The following MYO15B variants were observed in gnomAD, a reference collection of about 807,000 sequenced individuals.
MYO15B encodes the protein myosin XVB pseudogene.
Under a neutral mutation model 119.3 loss-of-function variants are expected in MYO15B, and 207 were observed. The observed-to-expected ratio is 1.73, with a 90% CI of 1.55 to 1.95. The LOEUF (loss-of-function observed/expected upper bound fraction) is 1.95. Among genes scored for constraint, MYO15B ranks in the 30% most tolerant of loss-of-function variants. The probability of loss-of-function intolerance (pLI) is 0.00; values close to 1 mark genes in which losing one functional copy is unlikely to be tolerated. For missense variants in MYO15B, 2,264 were observed against 1,203.1 expected, an observed-to-expected ratio of 1.88 and a Z score of -13.04; for synonymous variants, 966 against 498.9, an observed-to-expected ratio of 1.94 and a Z score of -12.48.
rs1359298025 is a variant in MYO15B, at chr17:75,620,455, G to A, written c.7556-12G>A. ...GTCCAGTGGGTGAGCCACATCCCTG[G>A]GTGCCTTCCAGGCTGGCAGTTTGGC... On this transcript the variant is annotated splice_polypyrimidine_tract_variant and intron_variant, in intron 48 of 63. Coordinates refer to ENST00000645453, the Ensembl canonical transcript of MYO15B. 2 of 702,386 alleles carry A rather than the reference G, an allele frequency of 2.8e-6. No individual in the cohort carries two copies. Among genetic ancestry groups the A allele is most frequent in the Non-Finnish European group, 5.2e-6 (2 of 384,778 alleles). The allele number at this position is 702,386 out of a possible 1,614,324, so 43.5% of individuals were successfully genotyped here.
chr17:75,592,871 G>T lies in MYO15B; in HGVS notation c.2991+31G>T, dbSNP rs1290056091. 1.0e-5 allele frequency: 7 copies of T among 694,722 alleles called. No homozygotes were observed. In the East Asian group the frequency reaches 1.9e-4, roughly 19 times the overall value. 43.0% of individuals were successfully genotyped at this position (694,722 alleles called of 1,614,324 possible). The stretch of plus-strand genomic sequence containing the variant: ...CTTCCCCGTGGGCAGGGGCCATCTG[G>T]GGTGCTGGGTCTGTAGAATCAGGGC... On this transcript the variant is annotated intron_variant, in intron 9 of 63. Coordinates refer to ENST00000645453, the Ensembl canonical transcript of MYO15B.
rs1156351194 is a variant in MYO15B at position 75,617,077 on chromosome 17, C to A, written c.6595-8C>A. 1 of 682,810 alleles carries A rather than the reference C, an allele frequency of 1.5e-6. No individual in the cohort carries two copies. Among genetic ancestry groups the A allele is most frequent in the Admixed American group, 2.1e-5 (1 of 48,610 alleles). The allele number at this position is 682,810 out of a possible 1,614,324, so 42.3% of individuals were successfully genotyped here. Reference sequence around the variant, plus strand: ...CTCAGCCCGTGTACTTTCTCCGTATCCCCCCAGATGCTGTCCCCCAGCCCA... The same window carrying A: ...CTCAGCCCGTGTACTTTCTCCGTATACCCCCAGATGCTGTCCCCCAGCCCA... On this transcript the variant is annotated splice_polypyrimidine_tract_variant and splice_region_variant and intron_variant, in intron 40 of 63. Transcript: ENST00000645453.
intron 21 of MYO15B, among the ~76,000 whole-genome samples, chr17:75,608,573 G>A (rs1284902596): frequency 2.6e-5 from 4 of 151,828 alleles, no homozygotes; most frequent in Non-Finnish European, 4.4e-5. Context: ...CCTGGGAGGC[G>A]GAGATTCAAG....
At chr17:75,588,001 T>G (rs2056174796) in exon 1 of MYO15B, 1 of 397,960 alleles carries the variant, frequency 2.5e-6, no homozygotes, top group Admixed American at 4.4e-5. Flanking sequence ...GGAGGCCAAA[T>G]CCCCGGGGAG....
exon 1 of MYO15B, chr17:75,588,495 C>T (rs917779696): frequency 1.3e-5 from 5 of 398,406 alleles, no homozygotes; most frequent in African/African-American, 1.0e-4. Context: ...CCAGGAGCCT[C>T]AATGGGGACA....
At chr17:75,610,325 A>G in intron 22 of MYO15B, 66 bp downstream of exon 22, 1 of 637,104 alleles carries the variant, frequency 1.6e-6, no homozygotes, top group East Asian at 2.8e-5. Flanking sequence ...CGAGCTGGCC[A>G]AATCCCAGCA....
At position 75,620,743 on chromosome 17, in the gene MYO15B, T is replaced by C. The variant is rs768669697; in HGVS notation, c.7725+107T>C. ...CTGCCATGCGGTGGGACCACCCTGC[T>C]GTCCGTCTCCTGTGGCTGCCCCTCT... On this transcript the variant is annotated intron_variant, in intron 49 of 63. Coordinates refer to ENST00000645453, the Ensembl canonical transcript of MYO15B. The C allele has an allele frequency of 4.3e-6, 3 of 696,692 alleles. No homozygotes were observed. In the South Asian group the frequency reaches 4.5e-5, roughly 10 times the overall value. 43.2% of individuals were successfully genotyped at this position (696,692 alleles called of 1,614,324 possible).
intron 14 of MYO15B, among the ~76,000 whole-genome samples, chr17:75,600,284 C>T (rs959479985): frequency 2.6e-5 from 4 of 152,004 alleles, no homozygotes; most frequent in African/African-American, 9.7e-5. Flanking sequence ...GCTTCGGCCT[C>T]CCAAAGTGCT....
rs930593185 is a variant in MYO15B, at chr17:75,625,411, A to G, written c.8805-116A>G. 6.1e-6 allele frequency: 4 copies of G among 658,282 alleles called. No individual in the cohort carries two copies. In the African/African-American group the frequency reaches 7.1e-5, roughly 12 times the overall value. The allele number at this position is 658,282 out of a possible 1,614,324, so 40.8% of individuals were successfully genotyped here. On this transcript the variant is annotated intron_variant, in intron 60 of 63. Coordinates refer to ENST00000645453, the Ensembl canonical transcript of MYO15B. ...CTGGTGCAGGACCCTCACCTCATTCATGTGTATGGATGTCTAGTCTTGCCC... is the reference window on the plus strand; with the variant it reads ...CTGGTGCAGGACCCTCACCTCATTCGTGTGTATGGATGTCTAGTCTTGCCC...
intron 47 of MYO15B, 38 bp from the exon 48 acceptor site, chr17:75,620,208 A>T (rs1270154868): frequency 1.4e-6 from 1 of 702,240 alleles, no homozygotes; most frequent in Admixed American, 2.0e-5. Flanking sequence ...AGGCACAGGC[A>T]GACTTGCTGC....
chr17:75,616,004 C>G (rs1283031932), intron 36 of MYO15B, 65 bp from the exon 37 acceptor site: 1 of 588,770 alleles, frequency 1.7e-6, no homozygotes, highest in African/African-American at 1.9e-5. Flanking sequence ...GACTGGGGAC[C>G]CGAGGGGTGT....
chr17:75,606,179 C>T (rs1275260095), intron 21 of MYO15B, 158 bp downstream of exon 21: 4 of 541,130 alleles, frequency 7.4e-6, no homozygotes, highest in Non-Finnish European at 1.3e-5. Context: ...GACGGCATTA[C>T]CCCCCATACC....
At chr17:75,617,233 C>A in exon 41 of MYO15B, 1 of 697,784 alleles carries the variant, frequency 1.4e-6, no homozygotes, top group African/African-American at 1.8e-5. Flanking sequence ...ATTGCCCACA[C>A]ACCCCCACCT....
rs536940116 is a variant in MYO15B at position 75,590,365 on chromosome 17, C to T, written c.2186+122C>T. On this transcript the variant is annotated intron_variant, in intron 1 of 63. Transcript: ENST00000645453. ...AATCCTTAGAAGGATGGGCTTGAAC[C>T]CTCCTGGCAGGAAGGGGCAGGTAAG... 2.0e-5 allele frequency: 8 copies of T among 398,344 alleles called. No homozygotes were observed. In the South Asian group the frequency reaches 6.8e-4, roughly 34 times the overall value. 24.7% of individuals were successfully genotyped at this position (398,344 alleles called of 1,614,324 possible).
chr17:75,603,124 C>T (rs1221303677), intron 18 of MYO15B, 47 bp downstream of exon 18: 3 of 703,186 alleles, frequency 4.3e-6, no homozygotes, highest in South Asian at 3.0e-5. Context: ...CTCCCTGCAC[C>T]TCCCTCCCCA....
chr17:75,599,846 G>A (rs1427135436), intron 14 of MYO15B, among the ~76,000 whole-genome samples: 1 of 150,108 alleles, frequency 6.7e-6, no homozygotes. Context: ...AGTGAGCCGA[G>A]ATCGTGCCAC....
At chr17:75,617,674 A>G in intron 41 of MYO15B, 136 bp from the exon 42 acceptor site, 1 of 594,740 alleles carries the variant, frequency 1.7e-6, no homozygotes, top group East Asian at 2.8e-5. Context: ...GTGCCATGGA[A>G]GGAGTAAGGC....
exon 15 of MYO15B, chr17:75,601,555 A>G: frequency 1.4e-6 from 1 of 703,086 alleles, no homozygotes; most frequent in South Asian, 1.5e-5. Context: ...AGGGACTGTC[A>G]CCTACCAGGT....
chr17:75,621,070 T>G, exon 50 of MYO15B: 1 of 702,834 alleles, frequency 1.4e-6, no homozygotes, highest in Non-Finnish European at 2.6e-6. Context: ...CAGTGACGAC[T>G]CGGAGGCCAC....
Sources: gnomAD v4.1 joint callset for allele counts (sites outside exome capture counted in the v4.1 genomes callset) on GRCh38, gnomAD v4.1.1 for gene constraint, MANE v1.5 for transcripts, NCBI Gene and HGNC (gene_info 2026-07-23, HGNC 2026-07-21) for gene names.